PDE8B: variants seen among roughly 807,000 people sequenced by gnomAD.
PDE8B encodes high affinity cAMP-specific and IBMX-insensitive 3',5'-cyclic phosphodiesterase 8B.
A neutral mutation model predicts 101.3 loss-of-function variants in PDE8B; 26 were observed. That is an observed-to-expected ratio of 0.26 (90% CI 0.19 to 0.36). The LOEUF (loss-of-function observed/expected upper bound fraction) is 0.36, where lower values mean the gene tolerates loss of function less well. Among genes scored for constraint, PDE8B ranks in the 10% least tolerant of loss-of-function variants. PDE8B has a pLI of 1.00. For missense variants in PDE8B, 810 were observed against 1,163.1 expected (o/e 0.70, Z 4.42); for synonymous variants, 424 against 429.3 (o/e 0.99, Z 0.15).
chr5:77,394,993 G>C (rs1371997434), intron 10 of PDE8B, among the ~76,000 whole-genome samples: 6 of 152,094 alleles, frequency 3.9e-5, no homozygotes, highest in Non-Finnish European at 8.8e-5. Flanking sequence ...CCAATCTAGG[G>C]TAAATACAGA....
intron 1 of PDE8B, among the ~76,000 whole-genome samples, chr5:77,308,605 G>A (rs1168020222): frequency 6.6e-6 from 1 of 152,146 alleles, no homozygotes; most frequent in African/African-American, 2.4e-5. Context: ...AGAGAAAGTC[G>A]TAGGGTCTTT....
rs148257594 is a variant in PDE8B, at chr5:77,336,375, G to A, written c.709-852G>A. On this transcript the variant is annotated intron_variant, in intron 5 of 21. Transcript: ENST00000264917. ...ATTCCCAAATGTGTTCCCATTAAGCGGTCACTCCTAGTCCTCCTCCCCACA... is the reference window on the plus strand; with the variant it reads ...ATTCCCAAATGTGTTCCCATTAAGCAGTCACTCCTAGTCCTCCTCCCCACA... Among the ~76,000 whole-genome samples, 512 of 152,106 alleles carry A rather than the reference G, an allele frequency of 3.4e-3. 1 individual carries two copies. Among genetic ancestry groups the A allele is most frequent in the African/African-American group, 0.012 (497 of 41,484 alleles).
intron 1 of PDE8B, among the ~76,000 whole-genome samples, chr5:77,298,065 A>C (rs1047143613): frequency 1.3e-5 from 2 of 152,158 alleles, no homozygotes; most frequent in Non-Finnish European, 2.9e-5. Flanking sequence ...TCTGGCACAT[A>C]ATAGATGCTT....
chr5:77,411,867 C>A (rs1794637933), intron 15 of PDE8B, 146 bp downstream of exon 15: 1 of 758,016 alleles, frequency 1.3e-6, no homozygotes, highest in Non-Finnish European at 2.3e-6. Flanking sequence ...TAAAACTAGT[C>A]TCCTAATTAA....
chr5:77,419,202 C>T (rs1796148868), intron 18 of PDE8B, among the ~76,000 whole-genome samples: 1 of 152,156 alleles, frequency 6.6e-6, no homozygotes, highest in African/African-American at 2.4e-5. Flanking sequence ...ATTCAAGAGC[C>T]ATTCTGGCTC....
At position 77,428,185 on chromosome 5, in the gene PDE8B, C is replaced by T. The variant is rs1226375162; in HGVS notation, c.*1631C>T. 6.6e-6 allele frequency: 1 copy of T among 152,166 alleles called. No individual in the cohort carries two copies. The highest frequency in any genetic ancestry group is 2.4e-5 in the African/African-American group (1 of 41,440). The allele number at this position is 152,166 out of a possible 1,614,324, so 9.4% of individuals were successfully genotyped here. ...TTGTGAAGTACTTGTAACTAAATTC[C>T]TACAGCCATTTTTCACTCCCAACAG... On this transcript the variant is annotated 3_prime_UTR_variant, in exon 22 of 22. Transcript: ENST00000264917.
chr5:77,323,237 T>G (rs1178098073), intron 2 of PDE8B, among the ~76,000 whole-genome samples: 1 of 152,226 alleles, frequency 6.6e-6, no homozygotes, highest in Admixed American at 6.5e-5. Context: ...CACAAGGTTG[T>G]GTCCTTCATT....
intron 2 of PDE8B, among the ~76,000 whole-genome samples, chr5:77,314,713 G>A (rs975517412): frequency 2.0e-5 from 3 of 151,710 alleles, no homozygotes; most frequent in African/African-American, 7.3e-5. Context: ...TTGCCGAATT[G>A]CCCTAGCTAA....
In PDE8B at chr5:77,426,595, CTG is replaced by C. The variant is rs775466598; in HGVS notation, c.*44_*45del. The C allele has an allele frequency of 4.9e-6, 5 of 1,018,568 alleles. No individual in the cohort carries two copies. The highest frequency in any genetic ancestry group is 2.0e-4 in the Middle Eastern group (1 of 4,884). 63.1% of individuals were successfully genotyped at this position (1,018,568 alleles called of 1,614,324 possible). A position where few individuals can be genotyped will look rare whatever the true frequency, so the allele number is the denominator to read the frequency against. On this transcript the variant is annotated 3_prime_UTR_variant, in exon 22 of 22. Coordinates refer to ENST00000264917, the MANE Select transcript of PDE8B (RefSeq NM_003719.5). ...GGGGCCTCTTGACCGACAAAGGACA[CTG>C]TGAATCACAGTAGCGTAAACGAGAG...
chr5:77,202,112 T>C, the PDE8B span, among the ~76,000 whole-genome samples: 1 of 152,224 alleles, frequency 6.6e-6, no homozygotes, highest in African/African-American at 2.4e-5. Context: ...TCTCCAAATA[T>C]AGCCACACTG....
At chr5:77,203,751 G>C in the PDE8B span, among the ~76,000 whole-genome samples, 1 of 152,062 alleles carries the variant, frequency 6.6e-6, no homozygotes, top group East Asian at 1.9e-4. Flanking sequence ...TTTCTGTCTT[G>C]TTTCTCAGTG....
intron 1 of PDE8B, among the ~76,000 whole-genome samples, chr5:77,275,010 G>C (rs1204165065): frequency 1.3e-5 from 2 of 151,936 alleles, no homozygotes; most frequent in Admixed American, 6.6e-5. Context: ...ACTGAGAAAT[G>C]CAAAAAAAAT....
intron 10 of PDE8B, among the ~76,000 whole-genome samples, chr5:77,396,931 C>G (rs1791182541): frequency 1.3e-5 from 2 of 150,186 alleles, no homozygotes; most frequent in Admixed American, 1.3e-4. Flanking sequence ...TTTCAAATTA[C>G]TGAAAAGAAC....
At chr5:77,364,630 C>A (rs1783773324) in intron 10 of PDE8B, among the ~76,000 whole-genome samples, 3 of 152,098 alleles carry the variant, frequency 2.0e-5, no homozygotes. Flanking sequence ...GCACCTAAAC[C>A]CAGAATCACC....
In PDE8B at chr5:77,331,912, C is replaced by T. The variant is rs367784543; in HGVS notation, c.708+453C>T. Among the ~76,000 whole-genome samples the T allele has an allele frequency of 2.0e-4, 30 of 152,300 alleles. 1 individual carries two copies. The South Asian group carries it at 5.8e-3, about 29-fold the overall frequency. ...GATGACTGTAGCATCCTGTAAACTC[C>T]CGGTTGAAACCATTAACATCAGCAA... On this transcript the variant is annotated intron_variant, in intron 5 of 21. Coordinates refer to ENST00000264917, the MANE Select transcript of PDE8B (RefSeq NM_003719.5).
At chr5:77,283,691 A>C (rs1327193435) in intron 1 of PDE8B, among the ~76,000 whole-genome samples, 1 of 152,178 alleles carries the variant, frequency 6.6e-6, no homozygotes, top group Non-Finnish European at 1.5e-5. Context: ...GTGCTGAGTA[A>C]TATTCCATCA....
chr5:77,097,734 C>CTATATATATATATCTATAT, the PDE8B span, among the ~76,000 whole-genome samples: 2 of 26,834 alleles, frequency 7.5e-5, no homozygotes, highest in Non-Finnish European at 1.9e-4. Flanking sequence ...TATATATATA[C>CTATATATATATATCTATAT]ATACATATGA....
chr5:77,179,362 G>A, the PDE8B span, among the ~76,000 whole-genome samples: 3 of 152,294 alleles, frequency 2.0e-5, no homozygotes, highest in African/African-American at 7.2e-5. Flanking sequence ...GTTTTGGCTG[G>A]ACTGACTCAG....
chr5:77,396,360 G>A (rs761266944), intron 10 of PDE8B, among the ~76,000 whole-genome samples: 3 of 152,212 alleles, frequency 2.0e-5, no homozygotes, highest in Non-Finnish European at 2.9e-5. Flanking sequence ...TGAGCTTGGT[G>A]CAGCCTCAAG....
Sources: allele counts gnomAD v4.1 joint callset (sites outside exome capture counted in the v4.1 genomes callset), GRCh38; gene constraint gnomAD v4.1.1; transcripts MANE v1.5; gene names NCBI Gene and HGNC (gene_info 2026-07-23, HGNC 2026-07-21).